The following HTR1F variants were observed in gnomAD, a reference collection of about 807,000 sequenced individuals.
HTR1F encodes 5-hydroxytryptamine (serotonin) receptor 1F, G protein-coupled.
Under a neutral mutation model 24.0 loss-of-function variants are expected in HTR1F, and 17 were observed. That is an observed-to-expected ratio of 0.71 (90% CI 0.48 to 1.06). The LOEUF (loss-of-function observed/expected upper bound fraction) is 1.06. HTR1F is among the 50% of genes least tolerant of loss of function. The pLI, the probability that HTR1F is intolerant of heterozygous loss-of-function variation, is 0.00. For missense variants in HTR1F, 391 were observed against 427.8 expected (o/e 0.91, Z 0.76); for synonymous variants, 186 against 156.8 (o/e 1.19, Z -1.39).
chr3:87,816,935 C>G (rs548036935), intron 1 of HTR1F, among the ~76,000 whole-genome samples: 1 of 151,886 alleles, frequency 6.6e-6, no homozygotes, highest in South Asian at 2.1e-4. Context: ...ATTATGGCCC[C>G]CCACTTTAAA....
At chr3:87,979,631 C>T (rs1441490562) in intron 2 of HTR1F, among the ~76,000 whole-genome samples, 5 of 152,198 alleles carry the variant, frequency 3.3e-5, no homozygotes, top group African/African-American at 9.6e-5. Flanking sequence ...GCACCTTTGC[C>T]TGAATTTTAC....
At chr3:87,812,153 G>C (rs892666865) in intron 1 of HTR1F, among the ~76,000 whole-genome samples, 2 of 152,144 alleles carry the variant, frequency 1.3e-5, no homozygotes, top group Non-Finnish European at 2.9e-5. Flanking sequence ...TACAAAGAGT[G>C]GGGTACTGCT....
intron 2 of HTR1F, among the ~76,000 whole-genome samples, chr3:87,875,678 A>G (rs559465240): frequency 6.6e-6 from 1 of 152,040 alleles, no homozygotes; most frequent in Admixed American, 6.5e-5. Context: ...TAATCTCATC[A>G]CTTTGGGAGG....
At chr3:87,905,328 G>A (rs1703637537) in intron 2 of HTR1F, among the ~76,000 whole-genome samples, 1 of 151,028 alleles carries the variant, frequency 6.6e-6, no homozygotes, top group Non-Finnish European at 1.5e-5. Flanking sequence ...CAAAAAAAAA[G>A]TTTGTGTAAA....
At chr3:87,857,585 C>CT (rs763271559) in intron 2 of HTR1F, among the ~76,000 whole-genome samples, 76 of 150,956 alleles carry the variant, frequency 5.0e-4, no homozygotes, top group African/African-American at 8.3e-4. Context: ...TTTTTAAAGA[C>CT]TTTTTTTTTA....
intron 2 of HTR1F, among the ~76,000 whole-genome samples, chr3:87,837,850 A>G (rs975038266): frequency 6.6e-6 from 1 of 152,070 alleles, no homozygotes; most frequent in Non-Finnish European, 1.5e-5. Context: ...ACAATAAAAT[A>G]TTATTGTTAC....
chr3:87,812,885 T>A (rs1158015182), intron 1 of HTR1F, among the ~76,000 whole-genome samples: 1 of 152,230 alleles, frequency 6.6e-6, no homozygotes, highest in Non-Finnish European at 1.5e-5. Context: ...TTCTACATGG[T>A]GCTGGGTCTG....
intron 2 of HTR1F, among the ~76,000 whole-genome samples, chr3:87,868,963 T>C (rs1485801298): frequency 2.6e-5 from 4 of 152,004 alleles, no homozygotes; most frequent in South Asian, 4.1e-4. Context: ...GGATTAACAA[T>C]GTAAAAGAAA....
intron 2 of HTR1F, among the ~76,000 whole-genome samples, chr3:87,859,706 C>T (rs1176587050): frequency 6.6e-6 from 1 of 152,188 alleles, no homozygotes; most frequent in East Asian, 1.9e-4. Flanking sequence ...CTCAGCCTCC[C>T]TCTTGCTGCA....
chr3:87,798,985 T>A (rs1452697446), intron 1 of HTR1F, among the ~76,000 whole-genome samples: 1 of 152,176 alleles, frequency 6.6e-6, no homozygotes, highest in Non-Finnish European at 1.5e-5. Context: ...TGGTCAAAGA[T>A]CCTTTTGAGA....
intron 2 of HTR1F, among the ~76,000 whole-genome samples, chr3:87,947,246 C>A (rs1307011845): frequency 1.3e-5 from 2 of 151,996 alleles, no homozygotes; most frequent in Non-Finnish European, 1.5e-5. Context: ...ACTGGAAGGA[C>A]AATGCTAAAT....
intron 2 of HTR1F, among the ~76,000 whole-genome samples, chr3:87,944,880 C>T (rs1704656859): frequency 6.6e-6 from 1 of 152,120 alleles, no homozygotes. Context: ...TCAGTGGTCT[C>T]AGTGTTTTCA....
intron 2 of HTR1F, among the ~76,000 whole-genome samples, chr3:87,983,819 G>T (rs957554811): frequency 6.6e-6 from 1 of 152,172 alleles, no homozygotes; most frequent in African/African-American, 2.4e-5. Flanking sequence ...CCTTTTGAAG[G>T]TTATAATTTC....
At chr3:87,803,403 A>G (rs1252189851) in intron 1 of HTR1F, among the ~76,000 whole-genome samples, 2 of 152,122 alleles carry the variant, frequency 1.3e-5, no homozygotes, top group Non-Finnish European at 2.9e-5. Context: ...AGCAGGTGCA[A>G]CATCTCATTG....
intron 1 of HTR1F, among the ~76,000 whole-genome samples, chr3:87,817,104 C>T (rs1255682117): frequency 6.6e-6 from 1 of 152,126 alleles, no homozygotes; most frequent in Non-Finnish European, 1.5e-5. Flanking sequence ...AGTGCACACA[C>T]AAGATATCCC....
intron 2 of HTR1F, among the ~76,000 whole-genome samples, chr3:87,878,452 A>C (rs982274264): frequency 2.0e-5 from 3 of 152,184 alleles, no homozygotes; most frequent in Non-Finnish European, 4.4e-5. Flanking sequence ...AGATAGAATA[A>C]AAGAGAATTT....
rs1705388207 is a variant in HTR1F at position 87,864,786 on chromosome 3, C to A, written c.-43+42662C>A. 3.3e-5 allele frequency among the ~76,000 whole-genome samples: 5 copies of A among 151,570 alleles called. No homozygotes were observed. The South Asian group carries it at 1.0e-3, about 32-fold the overall frequency. On this transcript the variant is annotated intron_variant, in intron 2 of 2. Transcript: ENST00000319595. ...TGGTGAGCACCTGTAATCCCCGCTA[C>A]TTGGGAGCCTGAGGCAGGAGAATCG...
chr3:87,827,171 C>T (rs1704482656), intron 2 of HTR1F, among the ~76,000 whole-genome samples: 1 of 150,956 alleles, frequency 6.6e-6, no homozygotes. Flanking sequence ...GCAGAACATG[C>T]AGGTTCATTA....
chr3:87,894,512 C>A (rs1706156470), intron 2 of HTR1F, among the ~76,000 whole-genome samples: 1 of 151,250 alleles, frequency 6.6e-6, no homozygotes, highest in African/African-American at 2.4e-5. Flanking sequence ...CCCAACTTGG[C>A]CTCCCAGAGT....
Sources: allele counts gnomAD v4.1 joint callset (sites outside exome capture counted in the v4.1 genomes callset), GRCh38; gene constraint gnomAD v4.1.1; transcripts MANE v1.5; gene names NCBI Gene and HGNC (gene_info 2026-07-23, HGNC 2026-07-21).